The following PRP4K variants were observed in gnomAD, a reference collection of about 807,000 sequenced individuals.
PRP4K encodes the protein pre-mRNA processing factor kinase PRP4K, also known as serine/threonine-protein kinase PRP4 homolog.
the PRP4K span, among the ~76,000 whole-genome samples, chr6:4,039,036 A>G: frequency 3.5e-4 from 53 of 152,170 alleles, no homozygotes; most frequent in South Asian, 6.2e-4. Flanking sequence ...CTCTCAGACA[A>G]TAGCGAGGTT....
chr6:4,035,026 A>G, the PRP4K span, among the ~76,000 whole-genome samples: 42 of 152,096 alleles, frequency 2.8e-4, no homozygotes, highest in Non-Finnish European at 5.1e-4. Flanking sequence ...ATTTTAGCAG[A>G]CAACACTCTG....
the PRP4K span, chr6:4,049,093 A>G: frequency 6.2e-7 from 1 of 1,610,190 alleles, no homozygotes. Context: ...GGACCGATGC[A>G]GAAGGCTATT....
the PRP4K span, among the ~76,000 whole-genome samples, chr6:4,027,354 A>G: frequency 6.6e-5 from 10 of 152,188 alleles, no homozygotes; most frequent in South Asian, 1.9e-3. Flanking sequence ...TGTCAGTACT[A>G]TTACCCCATT....
the PRP4K span, among the ~76,000 whole-genome samples, chr6:4,051,440 C>T: frequency 6.6e-6 from 1 of 151,948 alleles, no homozygotes; most frequent in Non-Finnish European, 1.5e-5. Context: ...CCTCAGCCTC[C>T]CGAGTAGCTG....
At chr6:4,021,348 T>G in the PRP4K span, 1 of 1,545,442 alleles carries the variant, frequency 6.5e-7, no homozygotes, top group Non-Finnish European at 8.8e-7. Context: ...GCAGCTCTTT[T>G]CCTTCTTCCT....
chr6:4,041,217 G>A, the PRP4K span, among the ~76,000 whole-genome samples: 1 of 151,998 alleles, frequency 6.6e-6, no homozygotes, highest in Non-Finnish European at 1.5e-5. Context: ...TAGTCCTGCC[G>A]GCCAGAGTTA....
the PRP4K span, among the ~76,000 whole-genome samples, chr6:4,051,281 A>G: frequency 6.6e-6 from 1 of 151,658 alleles, no homozygotes; most frequent in Non-Finnish European, 1.5e-5. Context: ...TAATGTCAAG[A>G]TGTGGGTTTT....
the PRP4K span, among the ~76,000 whole-genome samples, chr6:4,053,691 T>A: frequency 6.6e-6 from 1 of 152,150 alleles, no homozygotes; most frequent in Non-Finnish European, 1.5e-5. Flanking sequence ...TGGCCTTCAG[T>A]TTGGGTCGTG....
chr6:4,047,270 G>A, the PRP4K span: 1 of 1,563,216 alleles, frequency 6.4e-7, no homozygotes. Flanking sequence ...TAAATCAAGT[G>A]TTAAAACAAA....
the PRP4K span, among the ~76,000 whole-genome samples, chr6:4,055,479 T>TA: frequency 6.6e-6 from 1 of 152,250 alleles, no homozygotes; most frequent in Non-Finnish European, 1.5e-5. Context: ...GCTATAGTGT[T>TA]ATGCTGCTTT....
chr6:4,035,143 G>C, the PRP4K span, among the ~76,000 whole-genome samples: 2 of 151,410 alleles, frequency 1.3e-5, no homozygotes, highest in African/African-American at 4.9e-5. Context: ...TTGAGATGGA[G>C]TCTCGCTCTG....
chr6:4,029,912 T>TA, the PRP4K span, among the ~76,000 whole-genome samples: 8 of 152,138 alleles, frequency 5.3e-5, no homozygotes, highest in Non-Finnish European at 8.8e-5. Context: ...AGGAGGCAGA[T>TA]ACTGGTTTTG....
chr6:4,021,481 T>G, the PRP4K span: 1 of 1,576,016 alleles, frequency 6.3e-7, no homozygotes. Context: ...GTAGTCTCTG[T>G]GAGTGGGCCA....
chr6:4,047,013 A>G, the PRP4K span, among the ~76,000 whole-genome samples: 1 of 152,228 alleles, frequency 6.6e-6, no homozygotes, highest in African/African-American at 2.4e-5. Flanking sequence ...ACCTTTATGT[A>G]TCATAAATGT....
chr6:4,032,605 CAAG>C, the PRP4K span: 2 of 1,613,820 alleles, frequency 1.2e-6, no homozygotes, highest in Non-Finnish European at 8.5e-7. Context: ...CGTGATAAAT[CAAG>C]AAGAAGCAGG....
the PRP4K span, chr6:4,042,592 A>G: frequency 1.3e-6 from 2 of 1,566,150 alleles, no homozygotes. Context: ...ATGAAAAATA[A>G]CCATTATTGT....
chr6:4,058,096 G>A, the PRP4K span, among the ~76,000 whole-genome samples: 4 of 152,132 alleles, frequency 2.6e-5, no homozygotes, highest in African/African-American at 7.2e-5. Flanking sequence ...GCCTTGAACC[G>A]AACCCCTGGG....
chr6:4,047,126 T>A, the PRP4K span: 1 of 1,514,092 alleles, frequency 6.6e-7, no homozygotes. Context: ...TATTTTGTGT[T>A]TTAAATCATC....
chr6:4,049,856 G>A, the PRP4K span: 2 of 1,613,982 alleles, frequency 1.2e-6, no homozygotes, highest in Non-Finnish European at 1.7e-6. Context: ...TGGCTGTAAA[G>A]ATCATCAGAA....
Sources: gnomAD v4.1 joint callset for allele counts (sites outside exome capture counted in the v4.1 genomes callset) on GRCh38, gnomAD v4.1.1 for gene constraint, MANE v1.5 for transcripts, NCBI Gene and HGNC (gene_info 2026-07-23, HGNC 2026-07-21) for gene names.